PRDX6: variants seen among roughly 807,000 people sequenced by gnomAD.
PRDX6 encodes the protein peroxiredoxin 6.
PRDX6 carries 13 observed loss-of-function variants against 20.0 expected under a neutral mutation model. The ratio of observed to expected loss-of-function variants is 0.65; its 90% CI spans 0.42 to 1.03. The LOEUF (loss-of-function observed/expected upper bound fraction) is 1.03. Ranked by LOEUF, PRDX6 falls within the 50% of genes least tolerant of loss-of-function variation. PRDX6 has a pLI of 0.00. For synonymous variants in PRDX6, 85 were observed against 100.8 expected (o/e 0.84, Z 0.94); for missense variants, 203 against 276.9 (o/e 0.73, Z 1.89).
chr1:173,481,578 T>G lies in PRDX6; in HGVS notation c.252+96T>G, dbSNP rs185663711. 7.3e-5 allele frequency: 95 copies of G among 1,298,884 alleles called. No individual in the cohort carries two copies. The African/African-American group carries it at 1.1e-3, about 16-fold the overall frequency. 80.5% of individuals were successfully genotyped at this position (1,298,884 alleles called of 1,614,324 possible). A position where few individuals can be genotyped will look rare whatever the true frequency, so the allele number is the denominator to read the frequency against. ...TTTGAGGTTAAGGTACAAGTAAGCCTTAGGTTCAAAGTTCACTAATTATTT... is the reference window on the plus strand; with the variant it reads ...TTTGAGGTTAAGGTACAAGTAAGCCGTAGGTTCAAAGTTCACTAATTATTT... On this transcript the variant is annotated intron_variant, in intron 2 of 4. Coordinates refer to ENST00000340385, the MANE Select transcript of PRDX6 (RefSeq NM_004905.3).
Position 173,485,237 on chromosome 1 carries a change from G to A in PRDX6, c.253-124G>A, listed in dbSNP as rs561489546. ...CTACTCACTTTTTAAAATTAAAATTGCTTAAAGAAAATTACTGTGATTTGG... is the reference window on the plus strand; with the variant it reads ...CTACTCACTTTTTAAAATTAAAATTACTTAAAGAAAATTACTGTGATTTGG... On this transcript the variant is annotated intron_variant, in intron 2 of 4. Coordinates refer to ENST00000340385, the MANE Select transcript of PRDX6 (RefSeq NM_004905.3). 25 of 920,756 alleles carry A rather than the reference G, an allele frequency of 2.7e-5. No homozygotes were observed. The East Asian group carries it at 6.5e-4, about 24-fold the overall frequency. 57.0% of individuals were successfully genotyped at this position (920,756 alleles called of 1,614,324 possible). A position where few individuals can be genotyped will look rare whatever the true frequency, so the allele number is the denominator to read the frequency against.
At position 173,481,500 on chromosome 1, in the gene PRDX6, T is replaced by C. The variant is rs1242696909; in HGVS notation, c.252+18T>C. The C allele has an allele frequency of 6.8e-6, 11 of 1,611,366 alleles. No homozygotes were observed. The highest frequency in any genetic ancestry group is 3.3e-5 in the South Asian group (3 of 90,948). On this transcript the variant is annotated intron_variant, in intron 2 of 4. Transcript: ENST00000340385. ...GGAGCAAGGTTAGTATCAATTGGCA[T>C]GTGCTTTGAGCCTGAGATTATAGGT...
intron 1 of PRDX6, 84 bp downstream of exon 1, chr1:173,477,576 C>A: frequency 8.6e-7 from 1 of 1,167,368 alleles, no homozygotes; most frequent in Non-Finnish European, 1.2e-6. Flanking sequence ...CCCTGCCGTC[C>A]TCCCGGCCGC....
chr1:173,483,927 C>G (rs570399406), intron 2 of PRDX6, among the ~76,000 whole-genome samples: 1 of 151,508 alleles, frequency 6.6e-6, no homozygotes, highest in East Asian at 1.9e-4. Flanking sequence ...ATGGCGAAAC[C>G]CCGTTTCTAC....
Position 173,477,416 on chromosome 1 carries a change from C to G in PRDX6, c.19C>G (p.Leu7Val). The G allele has an allele frequency of 6.2e-7, 1 of 1,609,152 alleles. No individual in the cohort carries two copies. Among genetic ancestry groups the G allele is most frequent in the Middle Eastern group, 1.7e-4 (1 of 6,050 alleles). Residue 7 changes from leucine to valine, a missense_variant, in exon 1 of 5, where the codon CTC becomes GTC. Physicochemically the swap from Leu to Val is conservative, Grantham distance 32. Coordinates refer to ENST00000340385, the MANE Select transcript of PRDX6 (RefSeq NM_004905.3). Reference sequence around the variant, plus strand: ...CGTCGCCATGCCCGGAGGTCTGCTTCTCGGGGACGTGGCTCCCAACTTTGA... The same window carrying G: ...CGTCGCCATGCCCGGAGGTCTGCTTGTCGGGGACGTGGCTCCCAACTTTGA... MPGGLL[L>V]GDVAPNFEAN...
At chr1:173,482,440 C>A (rs868104117) in intron 2 of PRDX6, among the ~76,000 whole-genome samples, 2 of 152,192 alleles carry the variant, frequency 1.3e-5, no homozygotes, top group Non-Finnish European at 1.5e-5. Context: ...ACTGCTGGAA[C>A]AATGCTCACT....
intron 2 of PRDX6, among the ~76,000 whole-genome samples, 196 bp from the exon 3 acceptor site, chr1:173,485,165 G>A (rs992122871): frequency 6.6e-6 from 1 of 152,160 alleles, no homozygotes; most frequent in East Asian, 1.9e-4. Flanking sequence ...CCTAAGTACT[G>A]TACTCTGCTG....
rs1658708347 is a variant in PRDX6 at position 173,477,345 on chromosome 1, C to G, written c.-53C>G. 3 of 1,456,010 alleles carry G rather than the reference C, an allele frequency of 2.1e-6. No individual in the cohort carries two copies. Among genetic ancestry groups the G allele is most frequent in the Non-Finnish European group, 2.8e-6 (3 of 1,053,142 alleles). 90.2% of individuals were successfully genotyped at this position (1,456,010 alleles called of 1,614,324 possible). On this transcript the variant is annotated 5_prime_UTR_variant, in exon 1 of 5. Coordinates refer to ENST00000340385, the MANE Select transcript of PRDX6 (RefSeq NM_004905.3). ...GCGCTGGGACAGGCTGCTTCTTCGC[C>G]AGAACCAACCGGTTGCTTGCTGTCC...
intron 2 of PRDX6, among the ~76,000 whole-genome samples, chr1:173,482,815 T>TA (rs1658826752): frequency 6.6e-6 from 1 of 152,238 alleles, no homozygotes. Context: ...AGAATTTTTT[T>TA]TCATTCCTTA....
chr1:173,484,606 T>C (rs35491622), intron 2 of PRDX6, among the ~76,000 whole-genome samples: 17 of 152,238 alleles, frequency 1.1e-4, no homozygotes, highest in South Asian at 2.1e-4. Flanking sequence ...ACTAGATTTT[T>C]TTTTTCTCCA....
In PRDX6 at chr1:173,488,103, C is replaced by T. The variant is rs534463922; in HGVS notation, c.*240C>T. On this transcript the variant is annotated 3_prime_UTR_variant, in exon 5 of 5. Transcript: ENST00000340385. ...CTGCTGGTTCTGTTTGAAATATGTT[C>T]TGTATTTAAAACTCAAATCTTGTTG... 2.1e-6 allele frequency: 1 copy of T among 465,238 alleles called. No individual in the cohort carries two copies. Among genetic ancestry groups the T allele is most frequent in the East Asian group, 3.7e-5 (1 of 27,038 alleles). 28.8% of individuals were successfully genotyped at this position (465,238 alleles called of 1,614,324 possible). A position where few individuals can be genotyped will look rare whatever the true frequency, so the allele number is the denominator to read the frequency against.
intron 1 of PRDX6, among the ~76,000 whole-genome samples, chr1:173,478,123 C>G (rs1658735580): frequency 6.6e-6 from 1 of 152,228 alleles, no homozygotes; most frequent in African/African-American, 2.4e-5. Flanking sequence ...AAACCACTAG[C>G]TGCCAAGTAG....
chr1:173,484,243 ATG>A (rs756190969), intron 2 of PRDX6, among the ~76,000 whole-genome samples: 1 of 148,706 alleles, frequency 6.7e-6, no homozygotes, highest in Non-Finnish European at 1.5e-5. Flanking sequence ...ACATATATAT[ATG>A]TGTGTGTGCA....
chr1:173,485,332 TC>T, intron 2 of PRDX6, 28 bp from the exon 3 acceptor site: 1 of 1,538,120 alleles, frequency 6.5e-7, no homozygotes, highest in Admixed American at 1.9e-5. Context: ...GGGTTTAGAT[TC>T]CTCTTTCCCC....
At position 173,488,009 on chromosome 1, in the gene PRDX6, A is replaced by G; in HGVS notation, c.*146A>G. On this transcript the variant is annotated 3_prime_UTR_variant, in exon 5 of 5. Coordinates refer to ENST00000340385, the MANE Select transcript of PRDX6 (RefSeq NM_004905.3). ...CAATGGCTTATTAAATGAAAATGGC[A>G]CTAAAAGTTTCTTGAGATTCTTTAT... 1 of 952,814 alleles carries G rather than the reference A, an allele frequency of 1.0e-6. No individual in the cohort carries two copies. The highest frequency in any genetic ancestry group is 1.8e-5 in the South Asian group (1 of 56,810). The allele number at this position is 952,814 out of a possible 1,614,324, so 59.0% of individuals were successfully genotyped here.
intron 2 of PRDX6, 104 bp downstream of exon 2, chr1:173,481,586 A>G: frequency 8.4e-7 from 1 of 1,187,442 alleles, no homozygotes; most frequent in Non-Finnish European, 1.2e-6. Flanking sequence ...CCTTAGGTTC[A>G]AAGTTCACTA....
At chr1:173,485,794 C>T (rs1421758716) in intron 3 of PRDX6, among the ~76,000 whole-genome samples, 2 of 152,132 alleles carry the variant, frequency 1.3e-5, no homozygotes, top group Non-Finnish European at 2.9e-5. Flanking sequence ...CTCTCCTGAC[C>T]GCCCTGTCTT....
In PRDX6 at chr1:173,477,421, G is replaced by A. The variant is rs1345967992; in HGVS notation, c.24G>A (p.Gly8=). MPGGLLL[G]DVAPNFEANT... ...CCATGCCCGGAGGTCTGCTTCTCGG[G>A]GACGTGGCTCCCAACTTTGAGGCCA... Residue 8 remains glycine, a synonymous_variant, in exon 1 of 5, where the codon GGG becomes GGA. Coordinates refer to ENST00000340385, the MANE Select transcript of PRDX6 (RefSeq NM_004905.3). 1 of 1,608,542 alleles carries A rather than the reference G, an allele frequency of 6.2e-7. No homozygotes were observed. The highest frequency in any genetic ancestry group is 8.5e-7 in the Non-Finnish European group (1 of 1,177,900).
intron 3 of PRDX6, among the ~76,000 whole-genome samples, 154 bp downstream of exon 3, chr1:173,485,661 T>C (rs1267327634): frequency 6.6e-6 from 1 of 152,230 alleles, no homozygotes; most frequent in Non-Finnish European, 1.5e-5. Context: ...GTAATGCTGA[T>C]GCAATTTTCA....
Sources: allele counts gnomAD v4.1 joint callset (sites outside exome capture counted in the v4.1 genomes callset), GRCh38; gene constraint gnomAD v4.1.1; transcripts MANE v1.5; gene names NCBI Gene and HGNC (gene_info 2026-07-23, HGNC 2026-07-21).